Variants in MTMR7 observed in about 807,000 individuals in gnomAD.
MTMR7 encodes the protein myotubularin related protein 7.
In MTMR7, 76 loss-of-function variants were observed where a neutral mutation model predicts 81.2. The observed-to-expected ratio is 0.94, with a 90% CI of 0.78 to 1.13. The LOEUF is 1.13. MTMR7 is among the 50% of genes most tolerant of loss of function. The pLI, the probability that MTMR7 is intolerant of heterozygous loss-of-function variation, is 0.00. For synonymous variants in MTMR7, 372 were observed against 289.8 expected (o/e 1.28, Z -2.88); for missense variants, 1,044 against 820.0 (o/e 1.27, Z -3.34).
In MTMR7 at chr8:17,371,062, G is replaced by A; in HGVS notation, c.285C>T (p.Ile95=). The change falls in exon 3 of 14, where the codon ATC becomes ATT. Residue 95 remains isoleucine, a synonymous_variant. Transcript: ENST00000180173. ...PQERDCHDVY[I]SLIRLARPVK... Reference sequence around the variant, plus strand: ...CTGGCCTTGCAAGGCGTATCAGGGAGATGTACACGTCGTGGCAATCTCTTT... The same window carrying A: ...CTGGCCTTGCAAGGCGTATCAGGGAAATGTACACGTCGTGGCAATCTCTTT... The A allele has an allele frequency of 6.2e-7, 1 of 1,614,122 alleles. No homozygotes were observed. Among genetic ancestry groups the A allele is most frequent in the South Asian group, 1.1e-5 (1 of 91,062 alleles).
At chr8:17,366,869 G>C (rs1021908640) in intron 3 of MTMR7, among the ~76,000 whole-genome samples, 2 of 98,674 alleles carry the variant, frequency 2.0e-5, no homozygotes, top group South Asian at 2.3e-4. Flanking sequence ...CTGGATGACA[G>C]AGCGAGACTC....
At chr8:17,394,490 C>T (rs1248224487) in intron 1 of MTMR7, among the ~76,000 whole-genome samples, 1 of 151,890 alleles carries the variant, frequency 6.6e-6, no homozygotes, top group Non-Finnish European at 1.5e-5. Flanking sequence ...TATAAAATGT[C>T]CTGGATAGGC....
At chr8:17,384,346 G>A (rs1461814986) in intron 1 of MTMR7, among the ~76,000 whole-genome samples, 1 of 152,156 alleles carries the variant, frequency 6.6e-6, no homozygotes, top group East Asian at 1.9e-4. Flanking sequence ...AGGAGTTTGA[G>A]GTTATAGTCA....
At chr8:17,387,023 C>T (rs775364650) in intron 1 of MTMR7, among the ~76,000 whole-genome samples, 7 of 152,160 alleles carry the variant, frequency 4.6e-5, no homozygotes, top group Non-Finnish European at 1.0e-4. Context: ...ACAGTATCTC[C>T]CCACTGCTGC....
chr8:17,401,808 A>C (rs1383264384), intron 1 of MTMR7, among the ~76,000 whole-genome samples: 1 of 152,144 alleles, frequency 6.6e-6, no homozygotes, highest in Non-Finnish European at 1.5e-5. Context: ...GTGAGACGAG[A>C]GGGAATCAGC....
At chr8:17,367,079 T>C (rs1305515047) in intron 3 of MTMR7, among the ~76,000 whole-genome samples, 2 of 152,080 alleles carry the variant, frequency 1.3e-5, no homozygotes, top group Admixed American at 6.6e-5. Context: ...TGCTACGCTC[T>C]GATAAAAAAG....
At chr8:17,314,990 C>T (rs1817986463) in intron 7 of MTMR7, among the ~76,000 whole-genome samples, 1 of 152,186 alleles carries the variant, frequency 6.6e-6, no homozygotes, top group South Asian at 2.1e-4. Flanking sequence ...GTGAAAAATA[C>T]ACACAATGAT....
intron 6 of MTMR7, 142 bp from the exon 7 acceptor site, chr8:17,331,424 C>G: frequency 1.2e-6 from 1 of 836,318 alleles, no homozygotes; most frequent in Non-Finnish European, 1.8e-6. Context: ...ATCACTGCAA[C>G]CTTGTACTGA....
At chr8:17,316,268 T>A (rs1385185524) in intron 7 of MTMR7, among the ~76,000 whole-genome samples, 2 of 151,890 alleles carry the variant, frequency 1.3e-5, no homozygotes, top group Non-Finnish European at 2.9e-5. Context: ...ATATATATAT[T>A]TTATAGGTAC....
intron 1 of MTMR7, among the ~76,000 whole-genome samples, chr8:17,388,924 C>T (rs1465645439): frequency 6.6e-5 from 10 of 152,220 alleles, no homozygotes; most frequent in Non-Finnish European, 1.5e-4. Context: ...ATATTTTTCT[C>T]TTTCTCCTCT....
At chr8:17,342,317 T>A (rs1365729514) in intron 5 of MTMR7, among the ~76,000 whole-genome samples, 1 of 152,178 alleles carries the variant, frequency 6.6e-6, no homozygotes, top group Non-Finnish European at 1.5e-5. Context: ...CCCAATAAAA[T>A]GCCTGAATGA....
chr8:17,349,109 T>G (rs1482620488), intron 4 of MTMR7, 28 bp from the exon 5 acceptor site: 3 of 1,607,974 alleles, frequency 1.9e-6, no homozygotes, highest in Non-Finnish European at 2.5e-6. Context: ...AAAGAGATTT[T>G]TAGGCCATCT....
At chr8:17,360,599 G>A (rs1047013058) in intron 4 of MTMR7, among the ~76,000 whole-genome samples, 1 of 151,748 alleles carries the variant, frequency 6.6e-6, no homozygotes, top group Non-Finnish European at 1.5e-5. Context: ...AGGAGAAGAT[G>A]GGATTAATTC....
intron 2 of MTMR7, among the ~76,000 whole-genome samples, chr8:17,372,438 G>C (rs1820447044): frequency 6.6e-6 from 1 of 152,072 alleles, no homozygotes; most frequent in South Asian, 2.1e-4. Context: ...ACACAAAAAA[G>C]TCAGCCAGGC....
At chr8:17,356,812 A>G (rs1353360661) in intron 4 of MTMR7, among the ~76,000 whole-genome samples, 2 of 152,154 alleles carry the variant, frequency 1.3e-5, no homozygotes, top group Non-Finnish European at 2.9e-5. Flanking sequence ...ATCAACAAAG[A>G]AGAATACCAG....
rs368013961 is a variant in MTMR7, at chr8:17,373,226, G to A, written c.39C>T (p.Arg13=). Residue 13 remains arginine, a synonymous_variant, in exon 2 of 14, where the codon CGC becomes CGT. Transcript: ENST00000180173. ...TTTTAGGAGACACTCGATCTACCAA[G>A]CGGACATTTTCAACCTAGAGAAATC... ...HIRTPKVENV[R]LVDRVSPKKA... The A allele has an allele frequency of 6.2e-7, 1 of 1,612,362 alleles. No homozygotes were observed. Among genetic ancestry groups the A allele is most frequent in the African/African-American group, 1.3e-5 (1 of 74,894 alleles).
At chr8:17,384,996 A>G (rs1038601144) in intron 1 of MTMR7, among the ~76,000 whole-genome samples, 1 of 152,238 alleles carries the variant, frequency 6.6e-6, no homozygotes, top group African/African-American at 2.4e-5. Flanking sequence ...CTCTGGTATA[A>G]TGAAGAAAAA....
chr8:17,353,986 G>C (rs922396280), intron 4 of MTMR7, among the ~76,000 whole-genome samples: 2 of 152,160 alleles, frequency 1.3e-5, no homozygotes, highest in African/African-American at 4.8e-5. Flanking sequence ...ACACTCCCAG[G>C]ACAGCTGATC....
At chr8:17,324,096 C>G (rs1393904710) in intron 7 of MTMR7, among the ~76,000 whole-genome samples, 2 of 152,104 alleles carry the variant, frequency 1.3e-5, no homozygotes, top group African/African-American at 4.8e-5. Context: ...TGTGACTTAC[C>G]CAGGGAAGGC....
Sources: allele counts gnomAD v4.1 joint callset (sites outside exome capture counted in the v4.1 genomes callset), GRCh38; gene constraint gnomAD v4.1.1; transcripts MANE v1.5; gene names NCBI Gene and HGNC (gene_info 2026-07-23, HGNC 2026-07-21).